The following ANK3 variants were observed in gnomAD, a reference collection of about 807,000 sequenced individuals.
ANK3 encodes ankyrin 3, also known as ankyrin-3.
In ANK3, 57 loss-of-function variants were observed where a neutral mutation model predicts 370.9. That is an observed-to-expected ratio of 0.15 (90% CI 0.12 to 0.19). The LOEUF (loss-of-function observed/expected upper bound fraction) is 0.19, where lower values mean the gene tolerates loss of function less well. Among genes scored for constraint, ANK3 ranks in the 10% least tolerant of loss-of-function variants. ANK3 has a pLI of 1.00. For synonymous variants in ANK3, 1,929 were observed against 1,946.3 expected (o/e 0.99, Z 0.23); for missense variants, 4,439 against 5,302.1 (o/e 0.84, Z 5.06).
chr10:60,069,899 T>C lies in ANK3; in HGVS notation c.10982A>G (p.Gln3661Arg), dbSNP rs991982953. 6.2e-7 allele frequency: 1 copy of C among 1,613,918 alleles called. No individual in the cohort carries two copies. The highest frequency in any genetic ancestry group is 8.5e-7 in the Non-Finnish European group (1 of 1,179,982). Residue 3661 changes from glutamine (Q) to arginine (R), a missense_variant, in exon 37 of 44, where the codon CAG (glutamine) becomes CGG (arginine). Around this residue, in one of 13 missense-constraint regions of ANK3, gnomAD observed 496 missense variants for 529.3 expected, o/e 0.94. Coordinates refer to ENST00000280772, the MANE Select transcript of ANK3 (RefSeq NM_020987.5). ...GGTTTCTACAGTGGTGTCCCCTGAC[T>C]GTGGCTGTGGTGTGGCAGTGACCAT... ...KSMVTATPQP[Q>R]SGDTTVETNL...
intron 1 of ANK3, among the ~76,000 whole-genome samples, chr10:60,633,956 C>T (rs866779600): frequency 1.3e-5 from 2 of 152,124 alleles, no homozygotes; most frequent in South Asian, 2.1e-4. Flanking sequence ...TAACATAAGA[C>T]GGACAAAGAA....
intron 23 of ANK3, among the ~76,000 whole-genome samples, chr10:60,157,219 T>C (rs2095359190): frequency 6.6e-6 from 1 of 151,936 alleles, no homozygotes; most frequent in Admixed American, 6.6e-5. Flanking sequence ...GTATTTTTAG[T>C]AGAGACAGGG....
chr10:60,505,106 A>G lies in ANK3; in HGVS notation c.96+110080T>C, dbSNP rs146048226. Reference sequence around the variant, plus strand: ...AATATTTCAGCGCTCTCTACCCCCAATGACAAAATAGCAATATGGCAAAGT... The same window carrying G: ...AATATTTCAGCGCTCTCTACCCCCAGTGACAAAATAGCAATATGGCAAAGT... On this transcript the variant is annotated intron_variant, in intron 2 of 43. Transcript: ENST00000373827. 3.0e-3 allele frequency among the ~76,000 whole-genome samples: 450 copies of G among 152,294 alleles called. 2 individuals carry two copies. The highest frequency in any genetic ancestry group is 9.6e-3 in the African/African-American group (401 of 41,578).
At chr10:60,262,606 C>T (rs559172590) in intron 6 of ANK3, among the ~76,000 whole-genome samples, 1 of 152,166 alleles carries the variant, frequency 6.6e-6, no homozygotes, top group South Asian at 2.1e-4. Flanking sequence ...AAGATTGAAA[C>T]CTTATAGGAA....
intron 23 of ANK3, among the ~76,000 whole-genome samples, chr10:60,154,667 C>T (rs12356718): frequency 4.4e-3 from 667 of 152,094 alleles, no homozygotes; most frequent in Non-Finnish European, 6.3e-3. Flanking sequence ...TGGTGGTGGG[C>T]GCCTGTAGTC....
intron 1 of ANK3, among the ~76,000 whole-genome samples, chr10:60,731,923 G>A (rs1375889061): frequency 6.6e-6 from 1 of 152,118 alleles, no homozygotes; most frequent in Non-Finnish European, 1.5e-5. Context: ...CAGAATCTAG[G>A]TAGCAATCAA....
At chr10:60,415,632 T>C (rs1361609982) in intron 2 of ANK3, among the ~76,000 whole-genome samples, 1 of 152,062 alleles carries the variant, frequency 6.6e-6, no homozygotes, top group Non-Finnish European at 1.5e-5. Context: ...TTCTGGGTTA[T>C]TATTATTATT....
chr10:60,135,318 A>G (rs898760650), intron 24 of ANK3, among the ~76,000 whole-genome samples: 6 of 152,302 alleles, frequency 3.9e-5, no homozygotes, highest in Admixed American at 3.3e-4. Context: ...TCACCTCCCC[A>G]TCTCACCTGG....
At chr10:60,493,044 C>T (rs1339017869) in intron 2 of ANK3, among the ~76,000 whole-genome samples, 1 of 144,740 alleles carries the variant, frequency 6.9e-6, no homozygotes, top group African/African-American at 2.6e-5. Flanking sequence ...TGTGTCACTG[C>T]ACTCCAGCCT....
At chr10:60,368,274 G>A (rs2059655830) in intron 1 of ANK3, among the ~76,000 whole-genome samples, 1 of 151,810 alleles carries the variant, frequency 6.6e-6, no homozygotes, top group African/African-American at 2.4e-5. Flanking sequence ...AAGAACAAAA[G>A]TATTGTCTGG....
chr10:60,197,992 C>T (rs1448337441), intron 14 of ANK3, among the ~76,000 whole-genome samples: 2 of 152,206 alleles, frequency 1.3e-5, no homozygotes, highest in Non-Finnish European at 2.9e-5. Flanking sequence ...ACCAACCGAG[C>T]TGTGATAATG....
rs553588619 is a variant in ANK3, at chr10:60,594,187, C to G, written c.96+20999G>C. Among the ~76,000 whole-genome samples, 5 of 152,158 alleles carry G rather than the reference C, an allele frequency of 3.3e-5. No individual in the cohort carries two copies. In the South Asian group the frequency reaches 6.2e-4, roughly 19 times the overall value. ...CTTCTCTCTTTCCCTGTTCATCTACCCATATAGAAATCTTTCTACCTACCT... is the reference window on the plus strand; with the variant it reads ...CTTCTCTCTTTCCCTGTTCATCTACGCATATAGAAATCTTTCTACCTACCT... On this transcript the variant is annotated intron_variant, in intron 2 of 43. Transcript: ENST00000373827.
intron 26 of ANK3, among the ~76,000 whole-genome samples, chr10:60,111,537 T>A (rs2092709206): frequency 6.6e-6 from 1 of 152,216 alleles, no homozygotes; most frequent in Non-Finnish European, 1.5e-5. Flanking sequence ...TAATAATATT[T>A]GTATCATTAA....
At chr10:60,541,546 A>T (rs906476414) in intron 2 of ANK3, among the ~76,000 whole-genome samples, 3 of 151,982 alleles carry the variant, frequency 2.0e-5, no homozygotes, top group African/African-American at 7.2e-5. Context: ...AGAAGCCAAC[A>T]GTTTTGGAAA....
At chr10:60,624,497 C>T (rs2078381325) in intron 1 of ANK3, among the ~76,000 whole-genome samples, 1 of 152,156 alleles carries the variant, frequency 6.6e-6, no homozygotes, top group Admixed American at 6.5e-5. Context: ...TTCCCTTGCT[C>T]GATTTGAATC....
chr10:60,442,201 T>C (rs1014447196), intron 2 of ANK3, among the ~76,000 whole-genome samples: 2 of 150,876 alleles, frequency 1.3e-5, no homozygotes, highest in African/African-American at 4.9e-5. Context: ...GTTCAAGCAA[T>C]TCTCCTGTCT....
intron 1 of ANK3, among the ~76,000 whole-genome samples, chr10:60,368,955 G>A (rs1306903902): frequency 6.6e-6 from 1 of 152,166 alleles, no homozygotes; most frequent in Non-Finnish European, 1.5e-5. Context: ...CTATAGAAGG[G>A]AATAAAGGAA....
Position 60,075,890 on chromosome 10 carries a change from A to G in ANK3, c.4991T>C (p.Ile1664Thr), listed in dbSNP as rs752701312. ...YSSSLPFKSIITSAAPLISSP... is the reference protein window; with the variant it reads ...YSSSLPFKSITTSAAPLISSP... ...AGATATTAGCGGTGCTGCTGATGTA[A>G]TAATTGACTTAAATGGCAAACTTGA... The change falls in exon 37 of 44, where the codon ATT (isoleucine) becomes ACT (threonine). Residue 1664 changes from isoleucine (I) to threonine (T), a missense_variant. Transcript: ENST00000280772. 4 of 1,614,168 alleles carry G rather than the reference A, an allele frequency of 2.5e-6. No homozygotes were observed. The highest frequency in any genetic ancestry group is 3.4e-6 in the Non-Finnish European group (4 of 1,180,016).
intron 1 of ANK3, among the ~76,000 whole-genome samples, chr10:60,670,644 G>A (rs1356517102): frequency 1.3e-5 from 2 of 152,024 alleles, no homozygotes; most frequent in African/African-American, 4.8e-5. Context: ...CCCTGGAGTG[G>A]CTTCCCGTTT....
Sources: allele counts gnomAD v4.1 joint callset (sites outside exome capture counted in the v4.1 genomes callset), GRCh38; gene constraint gnomAD v4.1.1; regional missense constraint gnomAD v4.1.1; transcripts MANE v1.5; gene names NCBI Gene and HGNC (gene_info 2026-07-23, HGNC 2026-07-21).